Variants in RBFOX1 observed in about 807,000 individuals in gnomAD.
The protein encoded by RBFOX1 is RNA binding protein fox-1 homolog 1.
A neutral mutation model predicts 57.7 loss-of-function variants in RBFOX1; 8 were observed. The observed-to-expected ratio is 0.14, with a 90% CI of 0.08 to 0.25. The LOEUF is 0.25. Among genes scored for constraint, RBFOX1 ranks in the 10% least tolerant of loss-of-function variants. RBFOX1 has a pLI of 1.00. For missense variants in RBFOX1, 611 were observed against 548.5 expected, an observed-to-expected ratio of 1.11 and a Z score of -1.14; for synonymous variants, 326 against 222.4, an observed-to-expected ratio of 1.47 and a Z score of -4.15.
chr16:7,626,048 G>C (rs930783343), intron 10 of RBFOX1, among the ~76,000 whole-genome samples: 53 of 152,336 alleles, frequency 3.5e-4, no homozygotes, highest in African/African-American at 1.3e-3. Context: ...AAGGTACATA[G>C]ATAGGGTTTC....
At chr16:6,863,164 G>T (rs2059311569) in intron 3 of RBFOX1, among the ~76,000 whole-genome samples, 1 of 152,014 alleles carries the variant, frequency 6.6e-6, no homozygotes, top group Non-Finnish European at 1.5e-5. Flanking sequence ...AAGTCTAGGT[G>T]AAAAAACAGG....
intron 1 of RBFOX1, among the ~76,000 whole-genome samples, chr16:5,417,714 T>C (rs906721210): frequency 6.6e-6 from 1 of 152,206 alleles, no homozygotes; most frequent in Non-Finnish European, 1.5e-5. Context: ...AGGCATTTAA[T>C]AAATGTATGT....
At chr16:5,256,562 A>G (rs746347548) in intron 1 of RBFOX1, among the ~76,000 whole-genome samples, 1 of 151,992 alleles carries the variant, frequency 6.6e-6, no homozygotes, top group Non-Finnish European at 1.5e-5. Context: ...CTGCTATTTG[A>G]ATGCAAAGTG....
At chr16:7,660,696 C>T (rs547564614) in intron 12 of RBFOX1, among the ~76,000 whole-genome samples, 12 of 152,284 alleles carry the variant, frequency 7.9e-5, no homozygotes, top group South Asian at 2.1e-4. Flanking sequence ...CAATAGCATC[C>T]GCATCATCTG....
intron 1 of RBFOX1, among the ~76,000 whole-genome samples, chr16:6,315,975 G>T (rs999044359): frequency 2.6e-5 from 4 of 152,070 alleles, no homozygotes; most frequent in African/African-American, 9.7e-5. Flanking sequence ...AGGAAAGGGG[G>T]TATATTGTCT....
chr16:7,431,912 G>A (rs1330632466), intron 4 of RBFOX1, among the ~76,000 whole-genome samples: 1 of 152,214 alleles, frequency 6.6e-6, no homozygotes, highest in Non-Finnish European at 1.5e-5. Context: ...AGGAGGCAGG[G>A]GCTTGTTTCT....
chr16:6,242,100 G>A (rs565015059), intron 1 of RBFOX1, among the ~76,000 whole-genome samples: 2 of 152,282 alleles, frequency 1.3e-5, no homozygotes, highest in African/African-American at 4.8e-5. Flanking sequence ...GGTTTTTAAT[G>A]TATCTTTGCG....
At chr16:6,768,934 G>A (rs1208408387) in intron 3 of RBFOX1, among the ~76,000 whole-genome samples, 8 of 151,954 alleles carry the variant, frequency 5.3e-5, no homozygotes, top group Non-Finnish European at 1.2e-4. Context: ...TCACCATGTT[G>A]GCCAGGCTGG....
intron 3 of RBFOX1, among the ~76,000 whole-genome samples, chr16:6,684,788 A>C (rs1436257603): frequency 6.6e-6 from 1 of 152,226 alleles, no homozygotes; most frequent in Non-Finnish European, 1.5e-5. Flanking sequence ...GAAAGTTTGG[A>C]GGAAAAGAAA....
At chr16:7,116,097 T>C (rs2065848231) in intron 4 of RBFOX1, among the ~76,000 whole-genome samples, 1 of 152,216 alleles carries the variant, frequency 6.6e-6, no homozygotes, top group Non-Finnish European at 1.5e-5. Flanking sequence ...GTACCCATTT[T>C]ACAGATAAGG....
At chr16:6,703,938 C>G (rs2062268065) in intron 3 of RBFOX1, 1 of 152,396 alleles carries the variant, frequency 6.6e-6, no homozygotes, top group Non-Finnish European at 1.5e-5. Flanking sequence ...GCTTCCCAGC[C>G]TCCAGCAAAG....
intron 1 of RBFOX1, among the ~76,000 whole-genome samples, chr16:6,218,863 AAAAAGAAGAAG>A (rs2097353430): frequency 6.7e-6 from 1 of 149,016 alleles, no homozygotes; most frequent in African/African-American, 2.5e-5. Context: ...GAAAAAAAAA[AAAAAGAAGAAG>A]GAGAAAAAGT....
chr16:7,026,737 T>A (rs1242602811), intron 3 of RBFOX1, among the ~76,000 whole-genome samples: 1 of 152,174 alleles, frequency 6.6e-6, no homozygotes, highest in Non-Finnish European at 1.5e-5. Flanking sequence ...ATACCTCCCC[T>A]ACCCAATTCC....
At chr16:5,308,868 G>A (rs576046494) in intron 1 of RBFOX1, among the ~76,000 whole-genome samples, 1 of 152,162 alleles carries the variant, frequency 6.6e-6, no homozygotes, top group East Asian at 1.9e-4. Flanking sequence ...CGGCACCGCT[G>A]TTGTCCTGAG....
chr16:5,875,871 T>A (rs1425980044), intron 4 of RBFOX1, among the ~76,000 whole-genome samples: 2 of 142,538 alleles, frequency 1.4e-5, no homozygotes, highest in African/African-American at 5.2e-5. Flanking sequence ...TGAGAGGGAG[T>A]CTTGCTTTGT....
At chr16:6,752,434 C>G (rs12927282) in intron 3 of RBFOX1, among the ~76,000 whole-genome samples, 1 of 152,016 alleles carries the variant, frequency 6.6e-6, no homozygotes. Context: ...CTCCATGTTT[C>G]AAGTAGTTGT....
intron 2 of RBFOX1, among the ~76,000 whole-genome samples, chr16:6,614,359 C>T (rs573556670): frequency 6.6e-6 from 1 of 152,190 alleles, no homozygotes; most frequent in Admixed American, 6.5e-5. Flanking sequence ...GAAGAATTAA[C>T]ATCCCTGATT....
chr16:6,670,401 G>T (rs961313701), intron 3 of RBFOX1, among the ~76,000 whole-genome samples: 1 of 152,070 alleles, frequency 6.6e-6, no homozygotes, highest in Admixed American at 6.6e-5. Context: ...GATCTATTCA[G>T]ATTGAGTTTT....
chr16:6,413,193 C>T (rs2093518378), intron 2 of RBFOX1, among the ~76,000 whole-genome samples: 1 of 152,056 alleles, frequency 6.6e-6, no homozygotes, highest in African/African-American at 2.4e-5. Context: ...GTGGCACATG[C>T]CTGTAATCCC....
Sources: gnomAD v4.1 joint callset for allele counts (sites outside exome capture counted in the v4.1 genomes callset) on GRCh38, gnomAD v4.1.1 for gene constraint, MANE v1.5 for transcripts, NCBI Gene and HGNC (gene_info 2026-07-23, HGNC 2026-07-21) for gene names.